The following MDFIC2 variants were observed in gnomAD, a reference collection of about 807,000 sequenced individuals.
The protein encoded by MDFIC2 is MyoD family inhibitor domain containing 2, also known as myoD family inhibitor domain-containing protein 2.
At chr3:70,297,479 A>G (rs1702301774) in intron 2 of MDFIC2, among the ~76,000 whole-genome samples, 1 of 152,130 alleles carries the variant, frequency 6.6e-6, no homozygotes, top group African/African-American at 2.4e-5. Flanking sequence ...TACTAATGAC[A>G]AATTTATATA....
In MDFIC2 at chr3:70,196,620, G is replaced by A. The variant is rs552165576; in HGVS notation, c.*306C>T. The stretch of plus-strand genomic sequence containing the variant: ...AAGCTGATGAGTGCAATAACGCAGT[G>A]GCTTAACATGCTATTTTATAGTCAA... On this transcript the variant is annotated 3_prime_UTR_variant, in exon 4 of 4. Coordinates refer to ENST00000567252, the MANE Select transcript of MDFIC2 (RefSeq NM_001364677.1). Among the ~76,000 whole-genome samples the A allele has an allele frequency of 6.6e-6, 1 of 152,216 alleles. No individual in the cohort carries two copies. The highest frequency in any genetic ancestry group is 2.1e-4 in the South Asian group (1 of 4,824).
intron 2 of MDFIC2, among the ~76,000 whole-genome samples, chr3:70,257,322 A>G (rs573622292): frequency 6.6e-6 from 1 of 152,194 alleles, no homozygotes; most frequent in Admixed American, 6.5e-5. Context: ...TTGGGGAAGA[A>G]TCTTCCCTTT....
At position 70,241,078 on chromosome 3, in the gene MDFIC2, C is replaced by T. The variant is rs187207736; in HGVS notation, c.89-34288G>A. Reference sequence around the variant, plus strand: ...GTGTTTTTAGCCTGTGATGTGACTGCGGTGACACTGACTTCTGTGACTTCT... The same window carrying T: ...GTGTTTTTAGCCTGTGATGTGACTGTGGTGACACTGACTTCTGTGACTTCT... On this transcript the variant is annotated intron_variant, in intron 2 of 3. Transcript: ENST00000567252. Among the ~76,000 whole-genome samples, 14 of 152,164 alleles carry T rather than the reference C, an allele frequency of 9.2e-5. No homozygotes were observed. The East Asian group carries it at 2.5e-3, about 27-fold the overall frequency.
In MDFIC2 at chr3:70,196,027, C is replaced by T. The variant is rs34784904; in HGVS notation, c.*899G>A. Among the ~76,000 whole-genome samples, 4,071 of 152,220 alleles carry T rather than the reference C, an allele frequency of 0.027. 95 individuals carry two copies. The highest frequency in any genetic ancestry group is 0.04 in the Non-Finnish European group (2,754 of 68,010). ...CTTGGTGCTGAATAAGTACCCTCAA[C>T]GCTTATTTCTTTCTGGTGTCTATAC... is the stretch of plus-strand genomic sequence containing the variant. On this transcript the variant is annotated 3_prime_UTR_variant, in exon 4 of 4. Coordinates refer to ENST00000567252, the MANE Select transcript of MDFIC2 (RefSeq NM_001364677.1).
chr3:70,284,872 C>T (rs980930396), intron 2 of MDFIC2, among the ~76,000 whole-genome samples: 1 of 152,036 alleles, frequency 6.6e-6, no homozygotes, highest in African/African-American at 2.4e-5. Flanking sequence ...TGTAACAAAC[C>T]TGCACATGTA....
chr3:70,201,342 C>T (rs1376891401), intron 3 of MDFIC2, among the ~76,000 whole-genome samples: 1 of 152,158 alleles, frequency 6.6e-6, no homozygotes, highest in Non-Finnish European at 1.5e-5. Context: ...ATGATGGCAT[C>T]CAGCTCCATC....
At chr3:70,292,217 A>G (rs1461025009) in intron 2 of MDFIC2, among the ~76,000 whole-genome samples, 1 of 152,204 alleles carries the variant, frequency 6.6e-6, no homozygotes, top group Non-Finnish European at 1.5e-5. Flanking sequence ...ATAATACCAC[A>G]TAGAGTTGTT....
At chr3:70,228,751 T>G (rs1701532002) in intron 2 of MDFIC2, among the ~76,000 whole-genome samples, 1 of 152,102 alleles carries the variant, frequency 6.6e-6, no homozygotes, top group Admixed American at 6.5e-5. Context: ...CTTTTTTTTT[T>G]TTTACTAACA....
At position 70,267,904 on chromosome 3, in the gene MDFIC2, G is replaced by A. The variant is rs552883362; in HGVS notation, c.88+43982C>T. Reference sequence around the variant, plus strand: ...AAGTAGACTTGAAAATTTGAGCCAAGGTCCCAGTTTCCTTTCCTTTTCTTC... The same window carrying A: ...AAGTAGACTTGAAAATTTGAGCCAAAGTCCCAGTTTCCTTTCCTTTTCTTC... On this transcript the variant is annotated intron_variant, in intron 2 of 3. Transcript: ENST00000567252. Among the ~76,000 whole-genome samples, 4 of 151,964 alleles carry A rather than the reference G, an allele frequency of 2.6e-5. No individual in the cohort carries two copies. The East Asian group carries it at 5.8e-4, about 22-fold the overall frequency.
rs148768991 is a variant in MDFIC2 at position 70,209,372 on chromosome 3, T to TAC, written c.89-2584_89-2583dup. Among the ~76,000 whole-genome samples the TAC allele has an allele frequency of 5.7e-3, 865 of 151,954 alleles. 7 individuals carry two copies. Among genetic ancestry groups the TAC allele is most frequent in the African/African-American group, 0.02 (827 of 41,478 alleles). On this transcript the variant is annotated intron_variant, in intron 2 of 3. Coordinates refer to ENST00000567252, the MANE Select transcript of MDFIC2 (RefSeq NM_001364677.1). The stretch of plus-strand genomic sequence containing the variant: ...TCACTGTGGTTGAAAAGCACTGCTT[T>TAC]ACACACACACACACGAACACACACA...
intron 2 of MDFIC2, among the ~76,000 whole-genome samples, chr3:70,269,057 T>C (rs1309913031): frequency 6.6e-6 from 1 of 152,048 alleles, no homozygotes; most frequent in Non-Finnish European, 1.5e-5. Flanking sequence ...TATTGTCCCT[T>C]TATCAACCTG....
At chr3:70,293,688 A>G (rs1702262581) in intron 2 of MDFIC2, among the ~76,000 whole-genome samples, 1 of 152,132 alleles carries the variant, frequency 6.6e-6, no homozygotes, top group South Asian at 2.1e-4. Flanking sequence ...TTCCAGAAAA[A>G]CATTCTATTT....
At chr3:70,245,257 GA>G (rs1255237743) in intron 2 of MDFIC2, among the ~76,000 whole-genome samples, 2 of 151,880 alleles carry the variant, frequency 1.3e-5, no homozygotes, top group Non-Finnish European at 1.5e-5. Context: ...ATGAGAATTA[GA>G]AAAAAACCAA....
intron 2 of MDFIC2, among the ~76,000 whole-genome samples, chr3:70,308,733 T>G (rs1702426346): frequency 6.6e-6 from 1 of 152,114 alleles, no homozygotes; most frequent in Non-Finnish European, 1.5e-5. Flanking sequence ...TTAATAACAC[T>G]GAATTGAGTT....
intron 2 of MDFIC2, among the ~76,000 whole-genome samples, chr3:70,242,892 G>C (rs983777621): frequency 6.6e-6 from 1 of 152,090 alleles, no homozygotes; most frequent in African/African-American, 2.4e-5. Flanking sequence ...CCAGGGAGGG[G>C]TTTGGTGGCA....
chr3:70,260,166 A>C (rs550956306), intron 2 of MDFIC2, among the ~76,000 whole-genome samples: 2 of 152,192 alleles, frequency 1.3e-5, no homozygotes, highest in Non-Finnish European at 2.9e-5. Context: ...GTTCCCTCTG[A>C]AACATCCTGC....
intron 2 of MDFIC2, among the ~76,000 whole-genome samples, chr3:70,227,276 A>G (rs1335075452): frequency 2.0e-5 from 3 of 152,236 alleles, no homozygotes; most frequent in Non-Finnish European, 4.4e-5. Flanking sequence ...TAAACCTATT[A>G]TAGTCTCCTC....
chr3:70,228,738 A>G (rs1200560624), intron 2 of MDFIC2, among the ~76,000 whole-genome samples: 2 of 150,928 alleles, frequency 1.3e-5, no homozygotes, highest in African/African-American at 4.9e-5. Context: ...TTTTTTCATG[A>G]ATCTTTTTTT....
chr3:70,268,407 G>A (rs1249584134), intron 2 of MDFIC2, among the ~76,000 whole-genome samples: 1 of 150,292 alleles, frequency 6.7e-6, no homozygotes, highest in Admixed American at 6.7e-5. Context: ...CCCGGGAGGC[G>A]GAGGTGGCAG....
Sources: gnomAD v4.1 joint callset for allele counts (sites outside exome capture counted in the v4.1 genomes callset) on GRCh38, gnomAD v4.1.1 for gene constraint, MANE v1.5 for transcripts, NCBI Gene and HGNC (gene_info 2026-07-23, HGNC 2026-07-21) for gene names.